Variants in SLC4A5 observed in about 807,000 individuals in gnomAD.
The protein encoded by SLC4A5 is electrogenic sodium bicarbonate cotransporter 4.
SLC4A5 carries 96 observed loss-of-function variants against 120.4 expected under a neutral mutation model. The observed-to-expected ratio is 0.80, with a 90% CI of 0.68 to 0.94. SLC4A5 has a LOEUF of 0.94. SLC4A5 is among the 40% of genes least tolerant of loss of function. The probability of loss-of-function intolerance (pLI) is 0.00; values close to 1 mark genes in which losing one functional copy is unlikely to be tolerated. For missense variants in SLC4A5, 1,259 were observed against 1,459.5 expected (o/e 0.86, Z 2.24); for synonymous variants, 550 against 571.1 (o/e 0.96, Z 0.53).
intron 6 of SLC4A5, chr2:74,307,980 G>C (rs1442266833): frequency 1.8e-6 from 1 of 562,778 alleles, no homozygotes; most frequent in African/African-American, 1.9e-5. Context: ...GTAGTTGGAG[G>C]AGAAGGTGGA....
intron 8 of SLC4A5, among the ~76,000 whole-genome samples, chr2:74,272,600 A>T (rs1671510892): frequency 6.6e-6 from 1 of 152,230 alleles, no homozygotes; most frequent in Non-Finnish European, 1.5e-5. Flanking sequence ...GCTTGGGTGT[A>T]GACCCCCAAC....
At chr2:74,283,157 G>A (rs938230158) in intron 8 of SLC4A5, among the ~76,000 whole-genome samples, 2 of 152,200 alleles carry the variant, frequency 1.3e-5, no homozygotes, top group Admixed American at 6.5e-5. Flanking sequence ...CTGAGAAAAT[G>A]AGGAAAGGAA....
At chr2:74,337,329 C>T (rs967657755) in intron 3 of SLC4A5, among the ~76,000 whole-genome samples, 1 of 152,102 alleles carries the variant, frequency 6.6e-6, no homozygotes, top group African/African-American at 2.4e-5. Context: ...CGACCCAGGA[C>T]CAGATGGGAC....
chr2:74,244,269 C>G (rs540873508), intron 19 of SLC4A5, among the ~76,000 whole-genome samples: 7 of 152,244 alleles, frequency 4.6e-5, no homozygotes, highest in African/African-American at 1.4e-4. Context: ...ACTAACAGTT[C>G]AATAGAGCAA....
At chr2:74,304,058 C>G (rs989889974) in intron 7 of SLC4A5, among the ~76,000 whole-genome samples, 22 of 151,954 alleles carry the variant, frequency 1.4e-4, no homozygotes, top group African/African-American at 5.3e-4. Flanking sequence ...ACCGTTTTAG[C>G]CGGGATGGTC....
chr2:74,248,131 G>A (rs930167984), intron 18 of SLC4A5, among the ~76,000 whole-genome samples: 3 of 152,176 alleles, frequency 2.0e-5, no homozygotes, highest in East Asian at 1.9e-4. Flanking sequence ...TCCTCTTGTC[G>A]TGGCTGGTCC....
intron 19 of SLC4A5, among the ~76,000 whole-genome samples, chr2:74,242,415 A>G (rs1232205208): frequency 6.6e-5 from 10 of 152,264 alleles, no homozygotes; most frequent in Admixed American, 2.6e-4. Flanking sequence ...AAATGTTCAA[A>G]GAACTTACTC....
chr2:74,255,833 C>G lies in SLC4A5; in HGVS notation c.967G>C (p.Val323Leu). 2 of 1,614,138 alleles carry G rather than the reference C, an allele frequency of 1.2e-6. No individual in the cohort carries two copies. Among genetic ancestry groups the G allele is most frequent in the Non-Finnish European group, 1.7e-6 (2 of 1,180,012 alleles). ...AGCATGGCCGACTGGATGAGGCGCA[C>G]GAACGCGATGAATGGCTGGTCTAGG... The change falls in exon 13 of 31, where the codon GTG becomes CTG. Residue 323 changes from valine (V) to leucine (L), a missense_variant. Physicochemically the swap from Val to Leu is conservative, Grantham distance 32 (BLOSUM62 1). Coordinates refer to ENST00000394019, the Ensembl canonical transcript of SLC4A5. The surrounding 1 kb of genome is among the most constrained non-coding windows in gnomAD (Gnocchi z 4.0).
At chr2:74,233,331 G>T in intron 23 of SLC4A5, 71 bp downstream of exon 23, 1 of 1,548,574 alleles carries the variant, frequency 6.5e-7, no homozygotes, top group South Asian at 1.1e-5. Context: ...GAAGCATCAT[G>T]TCCTTCCTTC....
At chr2:74,289,547 G>C (rs1451992072) in intron 7 of SLC4A5, among the ~76,000 whole-genome samples, 1 of 152,110 alleles carries the variant, frequency 6.6e-6, no homozygotes, top group African/African-American at 2.4e-5. Context: ...GAACTCCTGA[G>C]CTCAAGAAAT....
chr2:74,245,009 T>G (rs779929149), intron 19 of SLC4A5, among the ~76,000 whole-genome samples: 18 of 152,092 alleles, frequency 1.2e-4, no homozygotes, highest in Non-Finnish European at 2.2e-4. Context: ...TTTTTTCCTG[T>G]GTATAGATGA....
intron 8 of SLC4A5, among the ~76,000 whole-genome samples, chr2:74,281,061 G>A (rs1246175023): frequency 6.6e-6 from 1 of 152,220 alleles, no homozygotes; most frequent in Admixed American, 6.5e-5. Flanking sequence ...TATGGAGTGA[G>A]AGCATCCCTG....
chr2:74,281,774 T>C (rs1671822241), intron 8 of SLC4A5, among the ~76,000 whole-genome samples: 1 of 152,126 alleles, frequency 6.6e-6, no homozygotes, highest in Admixed American at 6.5e-5. Context: ...GGATTTGAGA[T>C]TTTCACTCTG....
intron 19 of SLC4A5, among the ~76,000 whole-genome samples, chr2:74,244,194 C>T (rs1670534182): frequency 6.6e-6 from 1 of 152,184 alleles, no homozygotes; most frequent in Non-Finnish European, 1.5e-5. Flanking sequence ...AGTTCCTTTA[C>T]TTTCTGTGAA....
chr2:74,217,090 G>C (rs1223127917), exon 31 of SLC4A5: 1 of 152,116 alleles, frequency 6.6e-6, no homozygotes, highest in East Asian at 1.9e-4. Context: ...TAGACGCTGG[G>C]AATTACAGAG....
chr2:74,263,341 C>T (rs760941183), intron 10 of SLC4A5, among the ~76,000 whole-genome samples: 1 of 152,224 alleles, frequency 6.6e-6, no homozygotes, highest in Non-Finnish European at 1.5e-5. Flanking sequence ...CCACCTTGGA[C>T]TCTCAAAGTG....
intron 7 of SLC4A5, among the ~76,000 whole-genome samples, chr2:74,297,039 A>T (rs1396536071): frequency 6.6e-6 from 1 of 152,018 alleles, no homozygotes; most frequent in East Asian, 1.9e-4. Context: ...TCTTAGGGTA[A>T]TTTTGATCTT....
chr2:74,258,491 G>C (rs746394063), intron 12 of SLC4A5, among the ~76,000 whole-genome samples: 1 of 152,220 alleles, frequency 6.6e-6, no homozygotes, highest in African/African-American at 2.4e-5. Context: ...CAGTTGCACT[G>C]TCTGTATGCA....
intron 8 of SLC4A5, among the ~76,000 whole-genome samples, chr2:74,284,128 A>G (rs549071673): frequency 3.6e-4 from 55 of 150,918 alleles, no homozygotes; most frequent in African/African-American, 9.9e-4. Context: ...CATTACAGGC[A>G]TGAGCCACTG....
Sources: allele counts gnomAD v4.1 joint callset (sites outside exome capture counted in the v4.1 genomes callset), GRCh38; gene constraint gnomAD v4.1.1; non-coding constraint Gnocchi (gnomAD v3.1); transcripts MANE v1.5; gene names NCBI Gene and HGNC (gene_info 2026-07-23, HGNC 2026-07-21).